SNTG2: variants seen among roughly 807,000 people sequenced by gnomAD.
SNTG2 encodes gamma-2-syntrophin.
SNTG2 carries 74 observed loss-of-function variants against 70.9 expected under a neutral mutation model. The observed-to-expected ratio is 1.04, with a 90% CI of 0.86 to 1.27. The LOEUF is 1.27. Among genes scored for constraint, SNTG2 ranks in the 50% most tolerant of loss-of-function variants. SNTG2 has a pLI of 0.00. For synonymous variants in SNTG2, 278 were observed against 273.8 expected, an observed-to-expected ratio of 1.02 and a Z score of -0.15; for missense variants, 717 against 690.7, an observed-to-expected ratio of 1.04 and a Z score of -0.43.
At chr2:1,060,946 G>A (rs987277190) in intron 1 of SNTG2, among the ~76,000 whole-genome samples, 4 of 152,174 alleles carry the variant, frequency 2.6e-5, no homozygotes, top group African/African-American at 9.7e-5. Flanking sequence ...GGAGAAACTT[G>A]CGGGTCCACA....
intron 16 of SNTG2, chr2:1,346,646 G>T (rs1660296815): frequency 6.6e-6 from 1 of 152,258 alleles, no homozygotes; most frequent in Non-Finnish European, 1.5e-5. Context: ...CCAACAGAGT[G>T]ACTGCGACCT....
intron 11 of SNTG2, chr2:1,242,600 A>G (rs1677122862): frequency 6.6e-6 from 1 of 152,184 alleles, no homozygotes; most frequent in South Asian, 2.1e-4. Flanking sequence ...AAGCAGCCCT[A>G]TTTCTTTCCA....
intron 4 of SNTG2, among the ~76,000 whole-genome samples, chr2:1,128,209 T>G (rs1163885688): frequency 6.6e-6 from 1 of 152,234 alleles, no homozygotes; most frequent in African/African-American, 2.4e-5. Context: ...CATATGGTTT[T>G]TAATTTGCCA....
intron 14 of SNTG2, among the ~76,000 whole-genome samples, chr2:1,277,847 G>C (rs993493641): frequency 9.8e-5 from 15 of 152,342 alleles, no homozygotes; most frequent in African/African-American, 3.6e-4. Flanking sequence ...CAGGGGCACA[G>C]CCTCATAGAC....
At chr2:1,223,397 C>G (rs868598785) in intron 9 of SNTG2, among the ~76,000 whole-genome samples, 3 of 91,614 alleles carry the variant, frequency 3.3e-5, no homozygotes, top group African/African-American at 1.2e-4. Flanking sequence ...AGGAAAGCAG[C>G]GCAGTGATGG....
At chr2:1,104,378 A>T (rs1403123997) in intron 4 of SNTG2, among the ~76,000 whole-genome samples, 2 of 152,222 alleles carry the variant, frequency 1.3e-5, no homozygotes, top group Non-Finnish European at 2.9e-5. Context: ...AGACGAGCTG[A>T]GTGACAGGGT....
chr2:1,263,496 C>G (rs1477884445), intron 13 of SNTG2, among the ~76,000 whole-genome samples: 1 of 150,716 alleles, frequency 6.6e-6, no homozygotes, highest in Non-Finnish European at 1.5e-5. Context: ...AGAATACAAC[C>G]CTTTTTGTTT....
intron 1 of SNTG2, among the ~76,000 whole-genome samples, chr2:1,042,997 C>G (rs1023982608): frequency 6.6e-5 from 10 of 152,140 alleles, no homozygotes; most frequent in South Asian, 2.1e-4. Flanking sequence ...GCAGTGTGTA[C>G]CTGTACCCTT....
At chr2:1,045,856 G>A (rs1178600107) in intron 1 of SNTG2, among the ~76,000 whole-genome samples, 1 of 152,122 alleles carries the variant, frequency 6.6e-6, no homozygotes, top group Non-Finnish European at 1.5e-5. Flanking sequence ...TTCTTGTTGT[G>A]TGAAGTGTTC....
intron 16 of SNTG2, among the ~76,000 whole-genome samples, chr2:1,364,461 A>G: frequency 6.6e-6 from 1 of 152,100 alleles, no homozygotes; most frequent in Non-Finnish European, 1.5e-5. Flanking sequence ...TTCTATGTAT[A>G]AAACCAAAAC....
chr2:987,972 G>A (rs569067020), intron 1 of SNTG2, among the ~76,000 whole-genome samples: 7 of 152,174 alleles, frequency 4.6e-5, no homozygotes, highest in African/African-American at 9.7e-5. Flanking sequence ...CAGGCCGCTC[G>A]GCTGCCCAGA....
chr2:1,260,823 A>G (rs1172076627), intron 13 of SNTG2, among the ~76,000 whole-genome samples: 3 of 151,360 alleles, frequency 2.0e-5, no homozygotes, highest in Non-Finnish European at 4.4e-5. Context: ...TTTCCTTCGC[A>G]TGGGCTCCTC....
At chr2:1,300,856 A>G (rs1465579180) in intron 14 of SNTG2, among the ~76,000 whole-genome samples, 1 of 152,178 alleles carries the variant, frequency 6.6e-6, no homozygotes, top group Admixed American at 6.5e-5. Context: ...ATTGTCCTAT[A>G]AAAAGCTATT....
intron 16 of SNTG2, among the ~76,000 whole-genome samples, chr2:1,324,139 C>G (rs1681665211): frequency 6.6e-6 from 1 of 152,106 alleles, no homozygotes; most frequent in South Asian, 2.1e-4. Flanking sequence ...AGTCACATGG[C>G]TGAGGGTCCC....
intron 14 of SNTG2, among the ~76,000 whole-genome samples, chr2:1,299,593 G>A (rs1680362756): frequency 6.6e-6 from 1 of 152,182 alleles, no homozygotes; most frequent in South Asian, 2.1e-4. Context: ...CTTCTGCAAA[G>A]AGCCTACTTC....
chr2:1,029,052 G>A (rs981073453), intron 1 of SNTG2, among the ~76,000 whole-genome samples: 8 of 152,206 alleles, frequency 5.3e-5, no homozygotes, highest in African/African-American at 1.4e-4. Flanking sequence ...GAGGGGCTCC[G>A]GCGGCCTGGA....
intron 6 of SNTG2, among the ~76,000 whole-genome samples, chr2:1,148,858 C>T (rs746984304): frequency 6.6e-6 from 1 of 152,050 alleles, no homozygotes; most frequent in East Asian, 1.9e-4. Flanking sequence ...CCTGCTGGGC[C>T]CACCCTCTGC....
chr2:1,367,366 G>C lies in SNTG2; in HGVS notation c.1512G>C (p.Arg504Ser), dbSNP rs1057503646. ...AGGAACTCGAGTTCCAGGACCTGAG[G>C]GCTGTCCTGCACTGCATCCACTCCT... ...ETKELEFQDL[R>S]AVLHCIHSFI... The change falls in exon 17 of 17, where the codon AGG (arginine) becomes AGC (serine). Residue 504 changes from arginine to serine, a missense_variant. By Grantham distance (110) the Arg-to-Ser change is moderately radical (BLOSUM62 -1). Transcript: ENST00000308624. 6.5e-7 allele frequency: 1 copy of C among 1,548,652 alleles called. No individual in the cohort carries two copies. Among genetic ancestry groups the C allele is most frequent in the Non-Finnish European group, 8.7e-7 (1 of 1,145,894 alleles).
At chr2:1,254,338 C>G (rs974224996) in intron 12 of SNTG2, among the ~76,000 whole-genome samples, 1 of 152,270 alleles carries the variant, frequency 6.6e-6, no homozygotes, top group Admixed American at 6.5e-5. Context: ...TACTCTCCCT[C>G]GTTAGCCAGA....
Sources: allele counts gnomAD v4.1 joint callset (sites outside exome capture counted in the v4.1 genomes callset), GRCh38; gene constraint gnomAD v4.1.1; transcripts MANE v1.5; gene names NCBI Gene and HGNC (gene_info 2026-07-23, HGNC 2026-07-21).